The following EIF4G3 variants were observed in gnomAD, a reference collection of about 807,000 sequenced individuals.
EIF4G3 encodes eIF-4-gamma 3.
EIF4G3 carries 34 observed loss-of-function variants against 186.4 expected under a neutral mutation model. That is an observed-to-expected ratio of 0.18 (90% CI 0.14 to 0.24). EIF4G3 has a LOEUF of 0.24. EIF4G3 is among the 10% of genes least tolerant of loss of function. The pLI is 1.00. For synonymous variants in EIF4G3, 673 were observed against 679.5 expected, an observed-to-expected ratio of 0.99 and a Z score of 0.15; for missense variants, 1,536 against 1,948.5, an observed-to-expected ratio of 0.79 and a Z score of 3.99.
Position 21,053,907 on chromosome 1 carries a change from C to T in EIF4G3, c.-195-2913G>A, listed in dbSNP as rs1401458719. 3.3e-5 allele frequency among the ~76,000 whole-genome samples: 5 copies of T among 151,834 alleles called. No homozygotes were observed. The East Asian group carries it at 6.0e-4, about 18-fold the overall frequency. On this transcript the variant is annotated intron_variant, in intron 3 of 36. Coordinates refer to ENST00000602326, the MANE Select transcript of EIF4G3 (RefSeq NM_001391906.1). ...CTGCGAGGTGAGGGGCGCCTCTGCC[C>T]GGCCGCCCCTACTGGGAAGTGAGGA... is the stretch of plus-strand genomic sequence containing the variant.
intron 3 of EIF4G3, among the ~76,000 whole-genome samples, chr1:21,081,247 A>G (rs148393028): frequency 0.03 from 4,520 of 152,234 alleles, 240 homozygotes; most frequent in African/African-American, 0.1. Context: ...CATGGCCAAC[A>G]TGGTGAAACC....
intron 3 of EIF4G3, among the ~76,000 whole-genome samples, chr1:21,063,088 T>TTG (rs1226812632): frequency 6.6e-6 from 1 of 152,144 alleles, no homozygotes; most frequent in Admixed American, 6.5e-5. Context: ...GGGTCTCACT[T>TTG]TGTCACCCAA....
chr1:20,912,525 G>C (rs1344198988), intron 14 of EIF4G3, among the ~76,000 whole-genome samples: 3 of 152,260 alleles, frequency 2.0e-5, no homozygotes, highest in Non-Finnish European at 2.9e-5. Flanking sequence ...GGGTCTCTTA[G>C]ATTGAAGTGA....
In EIF4G3 at chr1:20,864,654, C is replaced by T. The variant is rs527823382; in HGVS notation, c.2828G>A (p.Arg943Gln). Residue 943 changes from arginine to glutamine, a missense_variant, in exon 22 of 37, where the codon CGG becomes CAG. Physicochemically the swap from Arg to Gln is conservative, Grantham distance 43. This residue lies in a region of EIF4G3 where 77 missense variants were observed against 131.6 expected (regional missense o/e 0.59). Transcript: ENST00000602326. ...AAACTTGATGTTGCCAATGGATCTC[C>T]GCCGGGCTTTGTCCTTGGCTTCTTC... ...ELEEAKDKAR[R>Q]RSIGNIKFIG... 6 of 1,614,142 alleles carry T rather than the reference C, an allele frequency of 3.7e-6. No individual in the cohort carries two copies. Among genetic ancestry groups the T allele is most frequent in the African/African-American group, 2.7e-5 (2 of 75,022 alleles).
rs185071278 is a variant in EIF4G3 at position 20,978,300 on chromosome 1, T to A, written c.493+2034A>T. Among the ~76,000 whole-genome samples the A allele has an allele frequency of 6.6e-3, 997 of 151,674 alleles. 9 individuals are homozygous for A. Among genetic ancestry groups the A allele is most frequent in the African/African-American group, 0.022 (929 of 41,500 alleles). ...AAAATTGGGTGATATATATATATAT[T>A]GTGTAACTTTTAAACTCACATATAT... On this transcript the variant is annotated intron_variant, in intron 10 of 36. Transcript: ENST00000602326.
At chr1:20,932,589 G>T (rs577604810) in intron 14 of EIF4G3, among the ~76,000 whole-genome samples, 2 of 152,130 alleles carry the variant, frequency 1.3e-5, no homozygotes, top group Admixed American at 1.3e-4. Context: ...CAATATTGTT[G>T]TATCTCAGGA....
chr1:21,013,998 C>T (rs1557510906), intron 4 of EIF4G3, among the ~76,000 whole-genome samples: 1 of 152,236 alleles, frequency 6.6e-6, no homozygotes, highest in Admixed American at 6.5e-5. Flanking sequence ...GGTGAAACTC[C>T]GTCTCTACTA....
intron 23 of EIF4G3, among the ~76,000 whole-genome samples, chr1:20,861,367 C>T (rs922163847): frequency 1.3e-5 from 2 of 151,286 alleles, no homozygotes; most frequent in Non-Finnish European, 1.5e-5. Context: ...AAACTGCACC[C>T]GGTAAGAGAA....
At chr1:20,858,005 T>G (rs991995334) in intron 24 of EIF4G3, among the ~76,000 whole-genome samples, 1 of 152,176 alleles carries the variant, frequency 6.6e-6, no homozygotes, top group Admixed American at 6.5e-5. Context: ...CCTTGCCAGT[T>G]AAACCTATAC....
chr1:21,010,366 G>A (rs188132795), intron 4 of EIF4G3, among the ~76,000 whole-genome samples: 117 of 146,792 alleles, frequency 8.0e-4, no homozygotes, highest in African/African-American at 2.9e-3. Context: ...GTTGCAGTAA[G>A]CTGAGATAGT....
intron 13 of EIF4G3, among the ~76,000 whole-genome samples, chr1:20,945,379 G>A (rs7554761): frequency 0.029 from 4,421 of 152,204 alleles, 204 homozygotes; most frequent in African/African-American, 0.098. Context: ...ATGATAATCT[G>A]GGCATATAAT....
At chr1:21,014,635 CTTT>C (rs35432782) in intron 4 of EIF4G3, among the ~76,000 whole-genome samples, 4 of 128,178 alleles carry the variant, frequency 3.1e-5, no homozygotes, top group Admixed American at 8.4e-5. Flanking sequence ...AGACAAACAC[CTTT>C]TTTTTTTTTT....
chr1:20,922,366 G>A (rs996219016), intron 14 of EIF4G3, among the ~76,000 whole-genome samples: 6 of 151,972 alleles, frequency 3.9e-5, no homozygotes, highest in East Asian at 1.9e-4. Context: ...GTACAGTGGC[G>A]TGATCTCCGC....
At position 20,941,582 on chromosome 1, in the gene EIF4G3, C is replaced by G. The variant is rs1322480757; in HGVS notation, c.1572G>C (p.Glu524Asp). The G allele has an allele frequency of 6.2e-7, 1 of 1,614,166 alleles. No individual in the cohort carries two copies. Among genetic ancestry groups the G allele is most frequent in the South Asian group, 1.1e-5 (1 of 91,074 alleles). Residue 524 changes from glutamate to aspartate, a missense_variant, in exon 14 of 37, where the codon GAG (glutamate) becomes GAC (aspartate). Coordinates refer to ENST00000602326, the MANE Select transcript of EIF4G3 (RefSeq NM_001391906.1). ...IRTCLSEDAK[E>D]IQNKIEVEAD... Reference sequence around the variant, plus strand: ...CTTCTACCTCTATTTTGTTCTGAATCTCTTTTGCATCTTCACTAAGGCAAG... The same window carrying G: ...CTTCTACCTCTATTTTGTTCTGAATGTCTTTTGCATCTTCACTAAGGCAAG...
chr1:21,123,250 G>C (rs1372621996), intron 2 of EIF4G3, among the ~76,000 whole-genome samples: 1 of 151,986 alleles, frequency 6.6e-6, no homozygotes, highest in African/African-American at 2.4e-5. Context: ...AAAAAAGAAA[G>C]ATGCGATGCC....
At position 21,167,420 on chromosome 1, in the gene EIF4G3, G is replaced by A. The variant is rs148061842; in HGVS notation, c.-272+8755C>T. Among the ~76,000 whole-genome samples, 777 of 152,174 alleles carry A rather than the reference G, an allele frequency of 5.1e-3. 7 individuals carry two copies. The highest frequency in any genetic ancestry group is 0.018 in the African/African-American group (745 of 41,514). On this transcript the variant is annotated intron_variant, in intron 2 of 36. Transcript: ENST00000602326. ...GCGATGGCTCACGCCTGTAATCCCAGCACTTTGGGAAGCTGAGGCAGATGG... is the reference window on the plus strand; with the variant it reads ...GCGATGGCTCACGCCTGTAATCCCAACACTTTGGGAAGCTGAGGCAGATGG...
chr1:21,015,736 T>C (rs2088770115), intron 4 of EIF4G3, among the ~76,000 whole-genome samples: 1 of 139,094 alleles, frequency 7.2e-6, no homozygotes, highest in Non-Finnish European at 1.5e-5. Context: ...AATGACATTA[T>C]TCAACATGCT....
chr1:21,013,604 G>C (rs1001962519), intron 4 of EIF4G3, among the ~76,000 whole-genome samples: 7 of 152,150 alleles, frequency 4.6e-5, no homozygotes, highest in Admixed American at 2.6e-4. Context: ...ATCTGCCAGT[G>C]CTAGAGGGAC....
intron 3 of EIF4G3, among the ~76,000 whole-genome samples, chr1:21,074,465 T>G (rs539780134): frequency 6.6e-6 from 1 of 152,304 alleles, no homozygotes; most frequent in Non-Finnish European, 1.5e-5. Flanking sequence ...TATTTAAATT[T>G]ATCAAATACA....
Sources: allele counts gnomAD v4.1 joint callset (sites outside exome capture counted in the v4.1 genomes callset), GRCh38; gene constraint gnomAD v4.1.1; regional missense constraint gnomAD v4.1.1; transcripts MANE v1.5; gene names NCBI Gene and HGNC (gene_info 2026-07-23, HGNC 2026-07-21).